The following ANKRD45 variants were observed in gnomAD, a reference collection of about 807,000 sequenced individuals.
ANKRD45 encodes ankyrin repeat domain 45.
ANKRD45 carries 21 observed loss-of-function variants against 28.1 expected under a neutral mutation model. The ratio of observed to expected loss-of-function variants is 0.75; its 90% CI spans 0.53 to 1.08. The LOEUF is 1.08. Among genes scored for constraint, ANKRD45 ranks in the 50% least tolerant of loss-of-function variants. The pLI, the probability that ANKRD45 is intolerant of heterozygous loss-of-function variation, is 0.00. For synonymous variants in ANKRD45, 86 were observed against 103.9 expected (o/e 0.83, Z 1.05); for missense variants, 261 against 308.7 (o/e 0.85, Z 1.16).
intron 5 of ANKRD45, among the ~76,000 whole-genome samples, chr1:173,610,791 TA>T (rs202076249): frequency 4.7e-5 from 7 of 148,456 alleles, no homozygotes; most frequent in South Asian, 2.1e-4. Flanking sequence ...ACCCTGTCTC[TA>T]AAAAAAAAAT....
chr1:173,623,478 T>C (rs909430827), intron 5 of ANKRD45, among the ~76,000 whole-genome samples: 2 of 152,182 alleles, frequency 1.3e-5, no homozygotes, highest in Non-Finnish European at 2.9e-5. Context: ...GGCAAGGTTG[T>C]GGATAAAAAG....
chr1:173,640,334 G>T (rs1008087664), intron 3 of ANKRD45, among the ~76,000 whole-genome samples: 2 of 151,866 alleles, frequency 1.3e-5, no homozygotes, highest in Non-Finnish European at 2.9e-5. Flanking sequence ...TCTCATCAAA[G>T]GGTGGAAGGA....
chr1:173,679,748 G>A, the ANKRD45 span, among the ~76,000 whole-genome samples: 1 of 152,186 alleles, frequency 6.6e-6, no homozygotes. Context: ...TATCATCAGA[G>A]TGAACAGGCA....
intron 3 of ANKRD45, among the ~76,000 whole-genome samples, chr1:173,628,478 T>C (rs1668037890): frequency 6.6e-6 from 1 of 152,026 alleles, no homozygotes; most frequent in Non-Finnish European, 1.5e-5. Context: ...CTCAAGTGAA[T>C]ACCAGCAGTA....
intron 1 of ANKRD45, among the ~76,000 whole-genome samples, chr1:173,665,661 C>A (rs986201935): frequency 6.6e-6 from 1 of 151,978 alleles, no homozygotes; most frequent in Non-Finnish European, 1.5e-5. Context: ...AAATTGAGAA[C>A]CCCAGGGAAT....
chr1:173,634,143 T>G (rs1668310750), intron 3 of ANKRD45, among the ~76,000 whole-genome samples: 2 of 151,838 alleles, frequency 1.3e-5, no homozygotes, highest in African/African-American at 4.8e-5. Context: ...AAAAATCTAA[T>G]AATCCTATTT....
At chr1:173,680,584 A>G in the ANKRD45 span, among the ~76,000 whole-genome samples, 2 of 152,100 alleles carry the variant, frequency 1.3e-5, no homozygotes, top group Non-Finnish European at 2.9e-5. Flanking sequence ...TGGCATGTGT[A>G]TAACTATGTA....
chr1:173,630,737 T>C (rs1571714468), intron 3 of ANKRD45, among the ~76,000 whole-genome samples: 1 of 144,290 alleles, frequency 6.9e-6, no homozygotes, highest in Non-Finnish European at 1.5e-5. Flanking sequence ...GGAGAATCGC[T>C]TGAAGCCAGG....
the ANKRD45 span, among the ~76,000 whole-genome samples, chr1:173,702,102 A>ATG: frequency 6.6e-6 from 1 of 152,158 alleles, no homozygotes; most frequent in African/African-American, 2.4e-5. Context: ...GAGGCAAGAG[A>ATG]TGTGGTTACC....
chr1:173,617,188 GC>G (rs1667499112), intron 5 of ANKRD45, among the ~76,000 whole-genome samples: 2 of 152,128 alleles, frequency 1.3e-5, no homozygotes, highest in South Asian at 4.2e-4. Flanking sequence ...ACATACTCTG[GC>G]CCCAGGAATC....
intron 2 of ANKRD45, among the ~76,000 whole-genome samples, chr1:173,650,022 T>C (rs544184796): frequency 1.1e-4 from 17 of 152,316 alleles, no homozygotes; most frequent in Admixed American, 3.3e-4. Flanking sequence ...TTAGTCTCAC[T>C]ATTGAGACAT....
At chr1:173,690,595 A>C in the ANKRD45 span, among the ~76,000 whole-genome samples, 4 of 152,196 alleles carry the variant, frequency 2.6e-5, no homozygotes, top group Non-Finnish European at 5.9e-5. Flanking sequence ...CATTCTACCC[A>C]AACTTTGGCC....
At chr1:173,669,053 A>G (rs1670140172) in intron 1 of ANKRD45, among the ~76,000 whole-genome samples, 1 of 152,246 alleles carries the variant, frequency 6.6e-6, no homozygotes, top group African/African-American at 2.4e-5. Flanking sequence ...AGAAAATCAC[A>G]TAGGTCATAG....
chr1:173,687,833 C>T, the ANKRD45 span, among the ~76,000 whole-genome samples: 3 of 152,238 alleles, frequency 2.0e-5, no homozygotes, highest in South Asian at 6.2e-4. Flanking sequence ...ATTGTGTCTT[C>T]TTCCCTCAAT....
chr1:173,646,930 C>T lies in ANKRD45; in HGVS notation c.412G>A (p.Ala138Thr), dbSNP rs747331422. The T allele has an allele frequency of 3.3e-5, 54 of 1,613,994 alleles. No individual in the cohort carries two copies. In the South Asian group the frequency reaches 5.9e-4, roughly 18 times the overall value. ...ALVELDVDIE[A>T]LNFREERARD... ...GCCCTTTCTTCCCGGAAGTTCAAAGCTTCTATATCAACATCCAGTTCTACC... is the reference window on the plus strand; with the variant it reads ...GCCCTTTCTTCCCGGAAGTTCAAAGTTTCTATATCAACATCCAGTTCTACC... Residue 138 changes from alanine (A) to threonine (T), a missense_variant, in exon 3 of 6, where the codon GCT (alanine) becomes ACT (threonine). Ala to Thr is a moderately conservative substitution (Grantham distance 58). Coordinates refer to ENST00000333279, the MANE Select transcript of ANKRD45 (RefSeq NM_198493.3).
chr1:173,612,708 AGCCTGCCGAGT>A (rs1256052247), intron 5 of ANKRD45: 2 of 157,964 alleles, frequency 1.3e-5, no homozygotes, highest in Non-Finnish European at 2.7e-5. Context: ...CTTCTGCCTC[AGCCTGCCGAGT>A]GCCTGCAATT....
the ANKRD45 span, among the ~76,000 whole-genome samples, chr1:173,701,868 T>C: frequency 1.3e-5 from 2 of 152,118 alleles, no homozygotes; most frequent in African/African-American, 4.8e-5. Flanking sequence ...TTTTAATTTT[T>C]GTTAGTGACT....
At chr1:173,669,339 G>C in intron 1 of ANKRD45, 2 of 429,238 alleles carry the variant, frequency 4.7e-6, no homozygotes, top group Non-Finnish European at 9.2e-6. Context: ...GACGCAGCCT[G>C]AAGTTGTGAT....
chr1:173,711,855 G>A, the ANKRD45 span, among the ~76,000 whole-genome samples: 2 of 152,164 alleles, frequency 1.3e-5, no homozygotes, highest in African/African-American at 4.8e-5. Context: ...AAAAGAAACA[G>A]AGTAGCAGAA....
Sources: gnomAD v4.1 joint callset for allele counts (sites outside exome capture counted in the v4.1 genomes callset) on GRCh38, gnomAD v4.1.1 for gene constraint, MANE v1.5 for transcripts, NCBI Gene and HGNC (gene_info 2026-07-23, HGNC 2026-07-21) for gene names.